PPP1R9A: variants seen among roughly 807,000 people sequenced by gnomAD.
PPP1R9A encodes protein phosphatase 1 regulatory subunit 9A.
Under a neutral mutation model 141.9 loss-of-function variants are expected in PPP1R9A, and 59 were observed. The observed-to-expected ratio is 0.42, with a 90% CI of 0.34 to 0.52. PPP1R9A has a LOEUF of 0.52. Ranked by LOEUF, PPP1R9A falls within the 20% of genes least tolerant of loss-of-function variation. The pLI, the probability that PPP1R9A is intolerant of heterozygous loss-of-function variation, is 0.10. For synonymous variants in PPP1R9A, 500 were observed against 569.7 expected (o/e 0.88, Z 1.74); for missense variants, 1,444 against 1,611.9 (o/e 0.90, Z 1.78).
intron 2 of PPP1R9A, among the ~76,000 whole-genome samples, chr7:95,041,181 C>T (rs936927164): frequency 5.3e-5 from 8 of 152,120 alleles, no homozygotes; most frequent in Admixed American, 5.2e-4. Flanking sequence ...TAGTAATGAG[C>T]ATGGAGAATA....
chr7:95,239,470 G>A (rs1189525377), intron 8 of PPP1R9A, among the ~76,000 whole-genome samples: 1 of 152,146 alleles, frequency 6.6e-6, no homozygotes, highest in Non-Finnish European at 1.5e-5. Flanking sequence ...GAGGTGGGAG[G>A]ATCACGTTAG....
intron 4 of PPP1R9A, among the ~76,000 whole-genome samples, chr7:95,154,207 G>C (rs1303893744): frequency 1.3e-5 from 2 of 151,650 alleles, no homozygotes; most frequent in Non-Finnish European, 2.9e-5. Context: ...GTTTTGGTAA[G>C]TTGTGTTTCC....
At chr7:94,932,011 C>G (rs1409223576) in intron 2 of PPP1R9A, among the ~76,000 whole-genome samples, 2 of 152,136 alleles carry the variant, frequency 1.3e-5, no homozygotes, top group Non-Finnish European at 2.9e-5. Context: ...TGACCTGGCT[C>G]TGGGTATTAG....
intron 7 of PPP1R9A, among the ~76,000 whole-genome samples, chr7:95,225,496 C>T (rs924637634): frequency 1.1e-4 from 17 of 152,230 alleles, no homozygotes; most frequent in Non-Finnish European, 1.8e-4. Context: ...TGAACTCTAA[C>T]GCTTAGGAGA....
chr7:94,911,796 T>C (rs548726674), intron 2 of PPP1R9A, among the ~76,000 whole-genome samples: 1 of 152,318 alleles, frequency 6.6e-6, no homozygotes, highest in East Asian at 1.9e-4. Context: ...AGTATGAGTA[T>C]TGTGAGTACT....
rs527689154 is a variant in PPP1R9A, at chr7:94,988,680, TAAG to T, written c.1395+77176_1395+77178del. 6.6e-5 allele frequency among the ~76,000 whole-genome samples: 10 copies of T among 152,054 alleles called. No homozygotes were observed. The East Asian group carries it at 1.7e-3, about 26-fold the overall frequency. On this transcript the variant is annotated intron_variant, in intron 2 of 19. Transcript: ENST00000433360. ...CGTCTACTTTCTAAAAAAATGAAAA[TAAG>T]AAGTTATGAGTCAAAATATATGTTG...
chr7:95,288,834 A>C (rs1367844946), intron 19 of PPP1R9A, 116 bp downstream of exon 19: 1 of 1,264,826 alleles, frequency 7.9e-7, no homozygotes, highest in East Asian at 2.5e-5. Context: ...ATTCTCATCA[A>C]TATTCAGCAG....
At chr7:95,120,607 TA>T in intron 3 of PPP1R9A, 104 bp from the exon 4 acceptor site, 1 of 1,283,818 alleles carries the variant, frequency 7.8e-7, no homozygotes, top group Middle Eastern at 2.1e-4. Flanking sequence ...GTCCTATCCA[TA>T]AGGAAAAATA....
At position 95,272,101 on chromosome 7, in the gene PPP1R9A, C is replaced by T. The variant is rs541823502; in HGVS notation, c.3125-1798C>T. Among the ~76,000 whole-genome samples the T allele has an allele frequency of 6.5e-4, 99 of 152,242 alleles. 2 individuals are homozygous for T. The highest frequency in any genetic ancestry group is 2.1e-3 in the African/African-American group (88 of 41,546). ...TGATAGGCAGAATCAGGCTTTTAGT[C>T]GCATGATGTCCAAATAACTGCAACA... is the stretch of plus-strand genomic sequence containing the variant. On this transcript the variant is annotated intron_variant, in intron 14 of 19. Transcript: ENST00000433360.
intron 2 of PPP1R9A, among the ~76,000 whole-genome samples, chr7:95,004,760 C>T (rs535647197): frequency 1.4e-4 from 21 of 152,236 alleles, no homozygotes; most frequent in African/African-American, 4.8e-4. Flanking sequence ...ATGTCGCTGT[C>T]CTGTAGTCAT....
At chr7:95,241,198 T>C (rs1271697088) in intron 8 of PPP1R9A, among the ~76,000 whole-genome samples, 2 of 152,170 alleles carry the variant, frequency 1.3e-5, no homozygotes, top group Non-Finnish European at 2.9e-5. Context: ...CCCATGTCTA[T>C]ATAGGTCTGC....
In PPP1R9A at chr7:95,252,011, A is replaced by G. The variant is rs775483716; in HGVS notation, c.2546A>G (p.Gln849Arg). The G allele has an allele frequency of 9.9e-6, 16 of 1,612,948 alleles. No homozygotes were observed. Among genetic ancestry groups the G allele is most frequent in the Non-Finnish European group, 1.4e-5 (16 of 1,179,738 alleles). The change falls in exon 12 of 20, where the codon CAA becomes CGA. Residue 849 changes from glutamine (Q) to arginine (R), a missense_variant. Physicochemically the swap from Gln to Arg is conservative, Grantham distance 43 (BLOSUM62 1). Transcript: ENST00000433360. ...VFRLLKQNGT[Q>R]VNNNNNIFER... Reference sequence around the variant, plus strand: ...AGGCTACTGAAGCAAAATGGGACTCAAGTTAACAATAATAACAACATCTTT... The same window carrying G: ...AGGCTACTGAAGCAAAATGGGACTCGAGTTAACAATAATAACAACATCTTT...
chr7:95,240,384 A>G (rs899495829), intron 8 of PPP1R9A, among the ~76,000 whole-genome samples: 6 of 151,520 alleles, frequency 4.0e-5, no homozygotes, highest in African/African-American at 1.5e-4. Flanking sequence ...ATTTTAGTTC[A>G]TTAATGTTTC....
chr7:95,039,732 AG>A (rs1236794579), intron 2 of PPP1R9A, among the ~76,000 whole-genome samples: 3 of 149,654 alleles, frequency 2.0e-5, no homozygotes, highest in South Asian at 2.1e-4. Flanking sequence ...AAAGGAATGA[AG>A]GAAAAAAAAA....
At chr7:95,079,633 C>A (rs1282340200) in intron 2 of PPP1R9A, among the ~76,000 whole-genome samples, 1 of 151,812 alleles carries the variant, frequency 6.6e-6, no homozygotes, top group Non-Finnish European at 1.5e-5. Context: ...AGAGACACAA[C>A]CAAAAAAGAG....
In PPP1R9A at chr7:95,203,650, TG is replaced by T. The variant is rs1790070853; in HGVS notation, c.1891-14del. On this transcript the variant is annotated splice_polypyrimidine_tract_variant and intron_variant, in intron 6 of 19. Transcript: ENST00000433360. ...GGGTTAAGCCTTCTTTAATATTTTT[TG>T]TCAACCATTTTAGAACACTGTGGCT... The T allele has an allele frequency of 6.5e-7, 1 of 1,532,998 alleles. No homozygotes were observed. Among genetic ancestry groups the T allele is most frequent in the Non-Finnish European group, 8.7e-7 (1 of 1,143,894 alleles). 95.0% of individuals were successfully genotyped at this position (1,532,998 alleles called of 1,614,324 possible).
intron 4 of PPP1R9A, among the ~76,000 whole-genome samples, chr7:95,149,435 G>A (rs971945927): frequency 7.9e-5 from 12 of 152,008 alleles, no homozygotes; most frequent in Non-Finnish European, 1.6e-4. Context: ...AGAAGTAAAA[G>A]TCTTTGATCA....
At chr7:95,088,940 G>A (rs1338734567) in intron 2 of PPP1R9A, among the ~76,000 whole-genome samples, 4 of 151,964 alleles carry the variant, frequency 2.6e-5, no homozygotes, top group East Asian at 1.9e-4. Context: ...AAAGCTGAAC[G>A]TGATCTTGGA....
chr7:95,244,421 G>A (rs1797846493), intron 8 of PPP1R9A, among the ~76,000 whole-genome samples: 1 of 152,108 alleles, frequency 6.6e-6, no homozygotes, highest in South Asian at 2.1e-4. Flanking sequence ...CAGGTTCTTT[G>A]TTTCATAAAT....
Sources: allele counts gnomAD v4.1 joint callset (sites outside exome capture counted in the v4.1 genomes callset), GRCh38; gene constraint gnomAD v4.1.1; transcripts MANE v1.5; gene names NCBI Gene and HGNC (gene_info 2026-07-23, HGNC 2026-07-21).